USP54: variants seen among roughly 807,000 people sequenced by gnomAD.
The protein encoded by USP54 is ubiquitin specific peptidase 54.
In USP54, 87 loss-of-function variants were observed where a neutral mutation model predicts 170.5. The ratio of observed to expected loss-of-function variants is 0.51; its 90% confidence interval spans 0.43 to 0.61. The LOEUF is 0.61. USP54 is among the 20% of genes least tolerant of loss of function. The pLI, the probability that USP54 is intolerant of heterozygous loss-of-function variation, is 0.00. For synonymous variants in USP54, 655 were observed against 742.8 expected (o/e 0.88, Z 1.92); for missense variants, 1,786 against 2,047.8 (o/e 0.87, Z 2.47).
chr10:73,532,622 C>T (rs2064272947), intron 12 of USP54, among the ~76,000 whole-genome samples: 1 of 152,130 alleles, frequency 6.6e-6, no homozygotes, highest in African/African-American at 2.4e-5. Flanking sequence ...AAAACTCACA[C>T]CTGACACAAT....
chr10:73,547,253 T>A (rs1236400994), intron 4 of USP54, among the ~76,000 whole-genome samples: 2 of 152,026 alleles, frequency 1.3e-5, no homozygotes, highest in African/African-American at 2.4e-5. Context: ...AATACAAAAC[T>A]TAGCCCAGCA....
At chr10:73,501,312 A>G (rs1247532482) in intron 22 of USP54, among the ~76,000 whole-genome samples, 1 of 152,218 alleles carries the variant, frequency 6.6e-6, no homozygotes, top group African/African-American at 2.4e-5. Flanking sequence ...TACACATTCC[A>G]CAGCTTCCTC....
Position 73,517,246 on chromosome 10 carries a change from T to A in USP54, c.3180A>T (p.Ser1060=). The A allele has an allele frequency of 6.2e-7, 1 of 1,614,206 alleles. No individual in the cohort carries two copies. The change falls in exon 20 of 24, where the codon TCA becomes TCT. Residue 1060 remains serine (S), a synonymous_variant. Coordinates refer to ENST00000687698, the MANE Select transcript of USP54 (RefSeq NM_001391956.1). ...EHSLGCSPSN[S]SAQPSLPLYR... is the part of the protein sequence containing the mutation. ...ACAGGGGAAGGCTGGGCTGAGCTGA[T>A]GAATTTGAAGGACTACAGCCTAGGC...
chr10:73,610,608 A>G (rs1480235736), intron 1 of USP54, among the ~76,000 whole-genome samples: 1 of 152,120 alleles, frequency 6.6e-6, no homozygotes, highest in Non-Finnish European at 1.5e-5. Context: ...TGGACCACTG[A>G]GCAAGAACTG....
intron 1 of USP54, among the ~76,000 whole-genome samples, chr10:73,585,589 C>A (rs755942396): frequency 1.4e-4 from 22 of 152,216 alleles, no homozygotes; most frequent in Non-Finnish European, 2.6e-4. Context: ...GATCTAATAC[C>A]TTCCACTAGG....
chr10:73,564,901 CAAAAAAAAAAAAA>C (rs199823108), intron 4 of USP54, among the ~76,000 whole-genome samples: 1 of 66,458 alleles, frequency 1.5e-5, no homozygotes, highest in Non-Finnish European at 3.1e-5. Flanking sequence ...TCATCTCTAC[CAAAAAAAAAAAAA>C]AAAAAAAAAA....
At chr10:73,619,799 T>C (rs1178304038) in intron 1 of USP54, among the ~76,000 whole-genome samples, 1 of 150,674 alleles carries the variant, frequency 6.6e-6, no homozygotes, top group Non-Finnish European at 1.5e-5. Context: ...GAAGTATAAG[T>C]ACAGTTTAAG....
chr10:73,584,301 T>C (rs939421537), intron 1 of USP54, among the ~76,000 whole-genome samples: 10 of 151,954 alleles, frequency 6.6e-5, no homozygotes, highest in African/African-American at 2.4e-4. Flanking sequence ...GGCAGGAGAA[T>C]TGCTTGAACC....
chr10:73,615,208 C>G (rs183666629), intron 1 of USP54: 1 of 150,132 alleles, frequency 6.7e-6, no homozygotes, highest in East Asian at 1.9e-4. Context: ...CAAAAATTAG[C>G]CAGGCATGGT....
chr10:73,618,698 C>A (rs1049343243), intron 1 of USP54, among the ~76,000 whole-genome samples: 3 of 145,398 alleles, frequency 2.1e-5, no homozygotes, highest in Non-Finnish European at 4.4e-5. Context: ...GCTGCGATTG[C>A]GCCACTGCAC....
chr10:73,624,193 TA>T (rs1680844868), intron 1 of USP54, among the ~76,000 whole-genome samples: 2 of 124,978 alleles, frequency 1.6e-5, no homozygotes, highest in African/African-American at 6.1e-5. Flanking sequence ...TATATATATA[TA>T]TGTATTTTTT....
intron 1 of USP54, among the ~76,000 whole-genome samples, chr10:73,598,103 G>A (rs953004272): frequency 4.6e-5 from 7 of 152,072 alleles, no homozygotes; most frequent in Non-Finnish European, 8.8e-5. Context: ...GGTTGGAAAA[G>A]GCACTAAATT....
chr10:73,556,962 T>C (rs919919876), intron 4 of USP54, among the ~76,000 whole-genome samples: 1 of 152,176 alleles, frequency 6.6e-6, no homozygotes, highest in Non-Finnish European at 1.5e-5. Flanking sequence ...ATTGAGAAGA[T>C]TTGTTTAATT....
intron 4 of USP54, among the ~76,000 whole-genome samples, chr10:73,554,185 G>A (rs2070377458): frequency 6.6e-6 from 1 of 152,196 alleles, no homozygotes; most frequent in Non-Finnish European, 1.5e-5. Flanking sequence ...GAGAAAGGTT[G>A]TCACTAATTT....
chr10:73,613,961 T>G (rs2080385781), intron 1 of USP54: 1 of 151,872 alleles, frequency 6.6e-6, no homozygotes, highest in Non-Finnish European at 1.5e-5. Flanking sequence ...TCCTAGCACT[T>G]TGGAAGGCCG....
At chr10:73,597,736 A>T (rs2078843975) in intron 1 of USP54, among the ~76,000 whole-genome samples, 1 of 152,146 alleles carries the variant, frequency 6.6e-6, no homozygotes, top group Admixed American at 6.6e-5. Flanking sequence ...AATCAGCTGT[A>T]TTGGGGCAAT....
intron 1 of USP54, among the ~76,000 whole-genome samples, chr10:73,618,615 C>G (rs540541485): frequency 6.7e-6 from 1 of 149,584 alleles, no homozygotes; most frequent in East Asian, 1.9e-4. Context: ...ATGGGGCTCA[C>G]GCCTGCAATC....
chr10:73,516,394 C>T lies in USP54; in HGVS notation c.4032G>A (p.Trp1344Ter). Residue 1344 changes from tryptophan to a stop codon, truncating the protein, a stop_gained, in exon 20 of 24, where the codon TGG (tryptophan) becomes TGA (stop). Transcript: ENST00000687698. LOFTEE classifies it high-confidence loss of function. ...CSGWGQQDTAWHPLSQTGSAD... is the reference protein window; with the variant it reads ...CSGWGQQDTA ...TCTTACCTGTTTGGCTAAGTGGGTG[C>T]CAGGCGGTATCCTGCTGCCCCCATC... is the stretch of plus-strand genomic sequence containing the variant. 1 of 1,611,274 alleles carries T rather than the reference C, an allele frequency of 6.2e-7. No individual in the cohort carries two copies. Among genetic ancestry groups the T allele is most frequent in the Non-Finnish European group, 8.5e-7 (1 of 1,178,790 alleles).
In USP54 at chr10:73,516,406, C is replaced by G; in HGVS notation, c.4020G>C (p.Gln1340His). 2 of 1,613,692 alleles carry G rather than the reference C, an allele frequency of 1.2e-6. No homozygotes were observed. Among genetic ancestry groups the G allele is most frequent in the Non-Finnish European group, 1.7e-6 (2 of 1,179,858 alleles). The change falls in exon 20 of 24, where the codon CAG (glutamine) becomes CAC (histidine). Residue 1340 changes from glutamine (Q) to histidine (H), a missense_variant. Transcript: ENST00000687698. ...GGCTAAGTGGGTGCCAGGCGGTATCCTGCTGCCCCCATCCAGAACAGCCAG... is the reference window on the plus strand; with the variant it reads ...GGCTAAGTGGGTGCCAGGCGGTATCGTGCTGCCCCCATCCAGAACAGCCAG... Reference protein sequence around the residue: ...SQAGCSGWGQQDTAWHPLSQT... With the variant: ...SQAGCSGWGQHDTAWHPLSQT...
Sources: allele counts gnomAD v4.1 joint callset (sites outside exome capture counted in the v4.1 genomes callset), GRCh38; gene constraint gnomAD v4.1.1; transcripts MANE v1.5; gene names NCBI Gene and HGNC (gene_info 2026-07-23, HGNC 2026-07-21).